LRRK1: variants seen among roughly 807,000 people sequenced by gnomAD.
LRRK1 encodes leucine rich repeat kinase 1.
A neutral mutation model predicts 209.1 loss-of-function variants in LRRK1; 113 were observed. The ratio of observed to expected loss-of-function variants is 0.54; its 90% CI spans 0.46 to 0.63. LRRK1 has a LOEUF of 0.63. LRRK1 is among the 30% of genes least tolerant of loss of function. The pLI is 0.00. For missense variants in LRRK1, 2,284 were observed against 2,632.2 expected, an observed-to-expected ratio of 0.87 and a Z score of 2.89; for synonymous variants, 1,144 against 1,099.7, an observed-to-expected ratio of 1.04 and a Z score of -0.80.
chr15:100,923,253 G>A (rs547065208), intron 1 of LRRK1, among the ~76,000 whole-genome samples: 35 of 152,290 alleles, frequency 2.3e-4, no homozygotes, highest in African/African-American at 8.4e-4. Context: ...ATTTTTAACA[G>A]GTGAAAACTG....
At chr15:100,971,071 C>T (rs1449657740) in intron 2 of LRRK1, among the ~76,000 whole-genome samples, 2 of 152,078 alleles carry the variant, frequency 1.3e-5, no homozygotes, top group African/African-American at 2.4e-5. Flanking sequence ...CAGCGGCTCA[C>T]GCCTGTAATC....
intron 15 of LRRK1, among the ~76,000 whole-genome samples, chr15:101,023,377 C>T (rs2141712028): frequency 6.6e-6 from 1 of 152,260 alleles, no homozygotes; most frequent in Non-Finnish European, 1.5e-5. Flanking sequence ...ATCTTGCTTT[C>T]CATTCAGTGC....
intron 2 of LRRK1, among the ~76,000 whole-genome samples, chr15:100,952,284 T>C (rs1396673574): frequency 6.6e-6 from 1 of 152,228 alleles, no homozygotes; most frequent in African/African-American, 2.4e-5. Context: ...ACCCACTGAA[T>C]TGTACACTTT....
Position 101,015,400 on chromosome 15 carries a change from C to T in LRRK1, c.1607C>T (p.Ala536Val). 2 of 1,611,828 alleles carry T rather than the reference C, an allele frequency of 1.2e-6. No homozygotes were observed. The highest frequency in any genetic ancestry group is 8.5e-7 in the Non-Finnish European group (1 of 1,178,552). ...GGTCGCCAGCGCTCCGGGACTGAGG[C>T]AGGTGTGTGTGGGTTGGGAGACGGT... is the stretch of plus-strand genomic sequence containing the variant. ...TRGRQRSGTE[A>V]ASVLEFPAFL... Residue 536 changes from alanine (A) to valine (V), a missense_variant and splice_region_variant, in exon 12 of 34, where the codon GCA becomes GTA. Around this residue, in one of 6 missense-constraint regions of LRRK1, gnomAD observed 494 missense variants for 522.1 expected, o/e 0.95. Coordinates refer to ENST00000388948, the MANE Select transcript of LRRK1 (RefSeq NM_024652.6).
intron 31 of LRRK1, 159 bp from the exon 32 acceptor site, chr15:101,065,193 T>A: frequency 2.7e-6 from 2 of 737,986 alleles, no homozygotes; most frequent in East Asian, 5.2e-5. Context: ...TCTTTAGGAG[T>A]AGCCCCGGCC....
intron 28 of LRRK1, among the ~76,000 whole-genome samples, chr15:101,057,659 C>G (rs139164914): frequency 6.6e-6 from 1 of 151,858 alleles, no homozygotes; most frequent in Non-Finnish European, 1.5e-5. Context: ...GGCTATGGTG[C>G]GCCCTGATCG....
chr15:101,009,116 T>G, intron 7 of LRRK1, 53 bp downstream of exon 7: 2 of 1,367,360 alleles, frequency 1.5e-6, no homozygotes, highest in Non-Finnish European at 2.1e-6. Context: ...GTCACCGTTG[T>G]GCTCCTGCAC....
chr15:101,063,899 C>T (rs924066116), intron 31 of LRRK1, among the ~76,000 whole-genome samples: 5 of 152,154 alleles, frequency 3.3e-5, no homozygotes, highest in Admixed American at 1.3e-4. Context: ...GGACCAGGCC[C>T]GTACCAGAGC....
At chr15:101,064,115 C>T (rs1243428888) in intron 31 of LRRK1, among the ~76,000 whole-genome samples, 1 of 152,278 alleles carries the variant, frequency 6.6e-6, no homozygotes, top group Non-Finnish European at 1.5e-5. Context: ...GGACGTGGCA[C>T]TCACCGCCCT....
intron 20 of LRRK1, among the ~76,000 whole-genome samples, chr15:101,039,385 C>T (rs148798809): frequency 7.4e-4 from 113 of 152,148 alleles, no homozygotes; most frequent in African/African-American, 2.7e-3. Flanking sequence ...GACATATCTT[C>T]TAATTTGATT....
Position 101,054,996 on chromosome 15 carries a change from C to A in LRRK1, c.4105C>A (p.Gln1369Lys). The A allele has an allele frequency of 6.2e-7, 1 of 1,613,846 alleles. No individual in the cohort carries two copies. The change falls in exon 27 of 34, where the codon CAG becomes AAG. Residue 1369 changes from glutamine (Q) to lysine (K), a missense_variant. Physicochemically the swap from Gln to Lys is moderately conservative, Grantham distance 53. Transcript: ENST00000388948. ...GHMLTQKIAY[Q>K]IASGLAYLHK... is the part of the protein sequence containing the mutation. ...CATGCTCACCCAAAAAATAGCCTAC[C>A]AGATCGCCTCGGGCCTGGCCTACCT...
At chr15:100,957,089 T>C (rs1480277102) in intron 2 of LRRK1, among the ~76,000 whole-genome samples, 1 of 152,220 alleles carries the variant, frequency 6.6e-6, no homozygotes, top group African/African-American at 2.4e-5. Flanking sequence ...TTTCCACATA[T>C]ATGTGGATTT....
intron 2 of LRRK1, among the ~76,000 whole-genome samples, chr15:100,933,109 G>T (rs2042239337): frequency 1.3e-5 from 2 of 152,230 alleles, no homozygotes; most frequent in South Asian, 4.1e-4. Context: ...TCCTGCAGGA[G>T]ACTCTGTGTT....
chr15:101,058,841 A>G (rs2141148995), intron 29 of LRRK1, among the ~76,000 whole-genome samples: 1 of 151,520 alleles, frequency 6.6e-6, no homozygotes, highest in Admixed American at 6.6e-5. Context: ...AAAAACTAGG[A>G]GGCGGTGGCC....
rs1386369704 is a variant in LRRK1 at position 101,075,430 on chromosome 15, CATAAGT to C, written c.*6588_*6593del. The C allele has an allele frequency of 1.7e-5, 2 of 119,980 alleles. No individual in the cohort carries two copies. The highest frequency in any genetic ancestry group is 2.0e-4 in the East Asian group (1 of 5,020). The allele number at this position is 119,980 out of a possible 1,614,324, so 7.4% of individuals were successfully genotyped here. A position where few individuals can be genotyped will look rare whatever the true frequency, so the allele number is the denominator to read the frequency against. ...CCTCTTGTATCCCCCGACCTTAACC[CATAAGT>C]ATAAGATACCTCTACTCCCTCCTTG... On this transcript the variant is annotated 3_prime_UTR_variant, in exon 34 of 34. Transcript: ENST00000388948.
In LRRK1 at chr15:100,996,461, A is replaced by C. The variant is rs1015873053; in HGVS notation, c.762+7063A>C. On this transcript the variant is annotated intron_variant, in intron 6 of 33. Coordinates refer to ENST00000388948, the MANE Select transcript of LRRK1 (RefSeq NM_024652.6). ...CTTTTCCTACCCTCTGAGGGTCATG[A>C]AGTAAACCCTGGACTGTTCCCAGCA... 5.3e-5 allele frequency among the ~76,000 whole-genome samples: 8 copies of C among 152,214 alleles called. 1 individual carries two copies. Among genetic ancestry groups the C allele is most frequent in the South Asian group, 4.1e-4 (2 of 4,838 alleles).
At chr15:100,952,254 A>G (rs1259217588) in intron 2 of LRRK1, among the ~76,000 whole-genome samples, 2 of 152,208 alleles carry the variant, frequency 1.3e-5, no homozygotes, top group Non-Finnish European at 2.9e-5. Flanking sequence ...ATAGTTACAC[A>G]ACTCTGTGAA....
chr15:100,998,807 G>A (rs1567223142), intron 6 of LRRK1, among the ~76,000 whole-genome samples: 1 of 151,592 alleles, frequency 6.6e-6, no homozygotes, highest in Non-Finnish European at 1.5e-5. Context: ...TGGTTGCATG[G>A]ATGGATGGAT....
rs577508062 is a variant in LRRK1, at chr15:101,071,791, C to A, written c.*2943C>A. 6.6e-6 allele frequency: 1 copy of A among 152,194 alleles called. No homozygotes were observed. Among genetic ancestry groups the A allele is most frequent in the Non-Finnish European group, 1.5e-5 (1 of 68,034 alleles). 9.4% of individuals were successfully genotyped at this position (152,194 alleles called of 1,614,324 possible). On this transcript the variant is annotated 3_prime_UTR_variant, in exon 34 of 34. Transcript: ENST00000388948. ...AGCCGGACCACCCAGTTGGGCAATT[C>A]GTGGCTTGGCCTAGGAACGTTACAT...
Sources: allele counts gnomAD v4.1 joint callset (sites outside exome capture counted in the v4.1 genomes callset), GRCh38; gene constraint gnomAD v4.1.1; regional missense constraint gnomAD v4.1.1; transcripts MANE v1.5; gene names NCBI Gene and HGNC (gene_info 2026-07-23, HGNC 2026-07-21).